SHISA9: variants seen among roughly 807,000 people sequenced by gnomAD.
SHISA9 encodes the protein protein shisa-9.
Under a neutral mutation model 38.0 loss-of-function variants are expected in SHISA9, and 13 were observed. The observed-to-expected ratio is 0.34, with a 90% CI of 0.22 to 0.54. The LOEUF is 0.54. Among genes scored for constraint, SHISA9 ranks in the 20% least tolerant of loss-of-function variants. The probability of loss-of-function intolerance (pLI) is 0.91; values close to 1 mark genes in which losing one functional copy is unlikely to be tolerated. For missense variants in SHISA9, 538 were observed against 575.8 expected, an observed-to-expected ratio of 0.93 and a Z score of 0.67; for synonymous variants, 275 against 242.0, an observed-to-expected ratio of 1.14 and a Z score of -1.27.
chr16:13,561,087 C>G, the SHISA9 span, among the ~76,000 whole-genome samples: 1 of 152,194 alleles, frequency 6.6e-6, no homozygotes, highest in Non-Finnish European at 1.5e-5. Context: ...TGGTCTCGAA[C>G]TCCTGACCTC....
chr16:13,030,260 T>C (rs1168392216), intron 2 of SHISA9, among the ~76,000 whole-genome samples: 1 of 152,158 alleles, frequency 6.6e-6, no homozygotes, highest in Non-Finnish European at 1.5e-5. Context: ...CTGGGGGCTT[T>C]CTCTGACATG....
chr16:13,007,407 C>G (rs1032691361), intron 2 of SHISA9, among the ~76,000 whole-genome samples: 1 of 152,190 alleles, frequency 6.6e-6, no homozygotes, highest in Non-Finnish European at 1.5e-5. Flanking sequence ...CTCCTACAGC[C>G]TCCTTTTCCC....
intron 1 of SHISA9, among the ~76,000 whole-genome samples, chr16:12,913,887 C>T (rs939270611): frequency 6.6e-6 from 1 of 152,050 alleles, no homozygotes; most frequent in South Asian, 2.1e-4. Flanking sequence ...TCCTGTAACA[C>T]ATCTCGTGTG....
the SHISA9 span, among the ~76,000 whole-genome samples, chr16:13,528,799 C>G: frequency 6.6e-6 from 1 of 152,174 alleles, no homozygotes; most frequent in Non-Finnish European, 1.5e-5. Context: ...TACGTAGTGT[C>G]TAGCACTTAG....
intron 2 of SHISA9, among the ~76,000 whole-genome samples, chr16:12,973,076 G>T (rs945204521): frequency 1.3e-5 from 2 of 152,046 alleles, no homozygotes; most frequent in Non-Finnish European, 2.9e-5. Context: ...AGATTGTGCC[G>T]CTGTACTCCA....
At chr16:13,329,555 A>G in the SHISA9 span, among the ~76,000 whole-genome samples, 1 of 152,136 alleles carries the variant, frequency 6.6e-6, no homozygotes, top group Non-Finnish European at 1.5e-5. Context: ...GAGTTCTGCT[A>G]TGTCACTCTC....
At chr16:13,475,008 G>T in the SHISA9 span, among the ~76,000 whole-genome samples, 25 of 152,234 alleles carry the variant, frequency 1.6e-4, no homozygotes, top group Middle Eastern at 3.4e-3. Flanking sequence ...GCTGTGATTT[G>T]TTTTATATTT....
chr16:13,540,935 G>A, the SHISA9 span, among the ~76,000 whole-genome samples: 128 of 152,244 alleles, frequency 8.4e-4, no homozygotes, highest in Admixed American at 1.6e-3. Flanking sequence ...CTAAAATGCA[G>A]GCTGACCAAA....
chr16:13,000,800 C>T (rs2072514355), intron 2 of SHISA9, among the ~76,000 whole-genome samples: 3 of 152,214 alleles, frequency 2.0e-5, no homozygotes, highest in Admixed American at 1.3e-4. Context: ...CATTTAAACT[C>T]AGACACTTGG....
chr16:13,147,550 G>A (rs539729981), intron 2 of SHISA9, among the ~76,000 whole-genome samples: 18 of 126,306 alleles, frequency 1.4e-4, no homozygotes, highest in South Asian at 2.8e-4. Context: ...TGCAACCTCC[G>A]CCTGCAGGCT....
At chr16:13,151,279 G>A (rs59558917) in intron 2 of SHISA9, among the ~76,000 whole-genome samples, 9,799 of 152,048 alleles carry the variant, frequency 0.064, 502 homozygotes, top group South Asian at 0.22. Context: ...GCTAATTTTT[G>A]TATTTTTAGT....
At chr16:12,912,781 T>C (rs1381960394) in intron 1 of SHISA9, among the ~76,000 whole-genome samples, 2 of 152,204 alleles carry the variant, frequency 1.3e-5, no homozygotes, top group Non-Finnish European at 2.9e-5. Context: ...GGGCAGTATT[T>C]CACTCTGTGA....
At chr16:13,427,401 G>A in the SHISA9 span, among the ~76,000 whole-genome samples, 61 of 152,314 alleles carry the variant, frequency 4.0e-4, no homozygotes, top group Non-Finnish European at 6.0e-4. Context: ...AGATGGAAGT[G>A]TAAACAGGTT....
the SHISA9 span, among the ~76,000 whole-genome samples, chr16:13,529,681 T>TC: frequency 6.6e-6 from 1 of 152,230 alleles, no homozygotes; most frequent in Non-Finnish European, 1.5e-5. Context: ...TTTGTTTTTT[T>TC]CCACCAACAG....
chr16:13,019,823 T>A (rs1488010601), intron 2 of SHISA9, among the ~76,000 whole-genome samples: 1 of 132,952 alleles, frequency 7.5e-6, no homozygotes, highest in African/African-American at 2.9e-5. Context: ...TTTCTTTCTT[T>A]CTTTCTTTCT....
chr16:13,546,836 G>A, the SHISA9 span, among the ~76,000 whole-genome samples: 2 of 152,152 alleles, frequency 1.3e-5, no homozygotes, highest in Admixed American at 1.3e-4. Context: ...GGTCTGTTAA[G>A]CCTAAAATAT....
intron 2 of SHISA9, among the ~76,000 whole-genome samples, chr16:13,019,884 CTTCT>C (rs1166778591): frequency 0.018 from 373 of 20,758 alleles, 7 homozygotes; most frequent in Middle Eastern, 0.033. Context: ...CCCTCCCTCC[CTTCT>C]TTCTTTCTTT....
chr16:12,986,850 G>C (rs1020961893), intron 2 of SHISA9, among the ~76,000 whole-genome samples: 6 of 152,232 alleles, frequency 3.9e-5, no homozygotes, highest in African/African-American at 7.2e-5. Flanking sequence ...AACCTGCCCA[G>C]GTTCATGTGG....
At chr16:13,223,205 T>G (rs996808314) in intron 4 of SHISA9, among the ~76,000 whole-genome samples, 1 of 152,132 alleles carries the variant, frequency 6.6e-6, no homozygotes, top group Non-Finnish European at 1.5e-5. Flanking sequence ...GGCAGGAGGA[T>G]TGCTTGAGCT....
Sources: gnomAD v4.1 joint callset for allele counts (sites outside exome capture counted in the v4.1 genomes callset) on GRCh38, gnomAD v4.1.1 for gene constraint, MANE v1.5 for transcripts, NCBI Gene and HGNC (gene_info 2026-07-23, HGNC 2026-07-21) for gene names.